PCDHA6: variants seen among roughly 807,000 people sequenced by gnomAD.
The protein encoded by PCDHA6 is protocadherin alpha-6.
In PCDHA6, 55 loss-of-function variants were observed where a neutral mutation model predicts 60.3. The observed-to-expected ratio is 0.91, with a 90% CI of 0.73 to 1.14. PCDHA6 has a LOEUF of 1.14. Ranked by LOEUF, PCDHA6 falls within the 50% of genes most tolerant of loss-of-function variation. The pLI, the probability that PCDHA6 is intolerant of heterozygous loss-of-function variation, is 0.00. For missense variants in PCDHA6, 1,327 were observed against 1,256.5 expected, an observed-to-expected ratio of 1.06 and a Z score of -0.85; for synonymous variants, 652 against 557.9, an observed-to-expected ratio of 1.17 and a Z score of -2.38.
intron 2 of PCDHA6, among the ~76,000 whole-genome samples, chr5:140,979,979 T>C (rs1007546118): frequency 6.6e-6 from 1 of 152,194 alleles, no homozygotes; most frequent in African/African-American, 2.4e-5. Flanking sequence ...ATGCATTAGA[T>C]TGAAATAAAT....
At chr5:140,925,114 G>T (rs1341892158) in intron 1 of PCDHA6, among the ~76,000 whole-genome samples, 2 of 151,122 alleles carry the variant, frequency 1.3e-5, no homozygotes, top group East Asian at 3.9e-4. Context: ...AGGAGGGAAG[G>T]AAGGAAGGAA....
At chr5:140,924,811 C>A (rs1209918868) in intron 1 of PCDHA6, among the ~76,000 whole-genome samples, 6 of 151,654 alleles carry the variant, frequency 4.0e-5, no homozygotes, top group Admixed American at 3.3e-4. Context: ...AAGAGAATCG[C>A]TTGAACCTGG....
intron 1 of PCDHA6, among the ~76,000 whole-genome samples, chr5:140,937,317 G>A (rs1282380622): frequency 1.3e-5 from 2 of 152,048 alleles, no homozygotes; most frequent in Non-Finnish European, 2.9e-5. Context: ...GATTACAGGC[G>A]TGAGCCACCG....
intron 1 of PCDHA6, among the ~76,000 whole-genome samples, chr5:140,960,972 T>C (rs936519951): frequency 6.6e-6 from 1 of 152,188 alleles, no homozygotes; most frequent in South Asian, 2.1e-4. Flanking sequence ...GCAGTTGCAA[T>C]TCTTGTTCCA....
chr5:140,971,928 T>C (rs1318885872), intron 1 of PCDHA6, among the ~76,000 whole-genome samples: 1 of 152,186 alleles, frequency 6.6e-6, no homozygotes, highest in Non-Finnish European at 1.5e-5. Flanking sequence ...GCTAGTGTTA[T>C]TTTAAGTTGT....
At position 140,856,167 on chromosome 5, in the gene PCDHA6, A is replaced by T. The variant is rs141221498; in HGVS notation, c.2394+25682A>T. ...TACTCAGTCTACGAGGAGGCCAGAC[A>T]CGGCACCTTCGTGGGCCGCATCGCG... is the stretch of plus-strand genomic sequence containing the variant. On this transcript the variant is annotated intron_variant, in intron 1 of 3. Coordinates refer to ENST00000529310, the MANE Select transcript of PCDHA6 (RefSeq NM_018909.4). 4.0e-5 allele frequency: 64 copies of T among 1,598,222 alleles called. 4 individuals carry two copies. The African/African-American group carries it at 8.5e-4, about 21-fold the overall frequency.
In PCDHA6 at chr5:140,833,167, C is replaced by T. The variant is rs2150206724; in HGVS notation, c.2394+2682C>T. 5.9e-5 allele frequency among the ~76,000 whole-genome samples: 9 copies of T among 152,184 alleles called. 1 individual carries two copies. The East Asian group carries it at 9.6e-4, about 16-fold the overall frequency. Reference sequence around the variant, plus strand: ...AAGCAATACGAATAAAAAGTATTAACGGAAGATGACTGCAAGGATTAAATG... The same window carrying T: ...AAGCAATACGAATAAAAAGTATTAATGGAAGATGACTGCAAGGATTAAATG... On this transcript the variant is annotated intron_variant, in intron 1 of 3. Transcript: ENST00000529310.
intron 1 of PCDHA6, chr5:140,867,134 T>C (rs1162274165): frequency 6.6e-6 from 1 of 152,178 alleles, no homozygotes; most frequent in Non-Finnish European, 1.5e-5. Context: ...AAATATGTGA[T>C]ATTATCATTT....
chr5:140,920,804 A>G (rs2079833395), intron 1 of PCDHA6, among the ~76,000 whole-genome samples: 1 of 151,364 alleles, frequency 6.6e-6, no homozygotes, highest in South Asian at 2.1e-4. Context: ...AGATCACGCC[A>G]CTGCACTCCA....
chr5:141,009,544 C>A (rs1236431515), intron 3 of PCDHA6, 83 bp from the exon 4 acceptor site: 1 of 1,534,390 alleles, frequency 6.5e-7, no homozygotes. Context: ...CCTGCCTATG[C>A]AGTACTCCTG....
At chr5:140,978,486 G>T (rs1289847782) in intron 1 of PCDHA6, among the ~76,000 whole-genome samples, 1 of 152,248 alleles carries the variant, frequency 6.6e-6, no homozygotes, top group Admixed American at 6.5e-5. Flanking sequence ...AGTCTGCAAA[G>T]CCAGCAGCAG....
chr5:140,883,771 G>A (rs782418376), intron 1 of PCDHA6: 11 of 1,612,346 alleles, frequency 6.8e-6, no homozygotes, highest in African/African-American at 1.3e-5. Context: ...GGGTGGGCGA[G>A]CGTGCGCTGT....
chr5:140,863,384 C>A (rs563178599), intron 1 of PCDHA6: 2 of 1,044,912 alleles, frequency 1.9e-6, no homozygotes, highest in South Asian at 1.2e-5. Flanking sequence ...ACCGAGAGCT[C>A]GTGCATGCCG....
chr5:140,853,607 T>C, intron 1 of PCDHA6: 1 of 987,062 alleles, frequency 1.0e-6, no homozygotes, highest in Non-Finnish European at 1.2e-6. Context: ...GCAAAGGGGG[T>C]GCTGTAAATA....
chr5:140,923,719 G>A (rs906860011), intron 1 of PCDHA6, among the ~76,000 whole-genome samples: 5 of 152,182 alleles, frequency 3.3e-5, no homozygotes, highest in African/African-American at 1.2e-4. Context: ...GAATAAGAAT[G>A]CAATGTTATG....
At position 140,848,824 on chromosome 5, in the gene PCDHA6, T is replaced by C. The variant is rs2150421709; in HGVS notation, c.2394+18339T>C. On this transcript the variant is annotated intron_variant, in intron 1 of 3. Coordinates refer to ENST00000529310, the MANE Select transcript of PCDHA6 (RefSeq NM_018909.4). ...TGCAGCATCCACCTGGAGGTGATCG[T>C]AGACAGGCCGCTGCAGGTTTTCCAT... 7.5e-6 allele frequency: 12 copies of C among 1,590,566 alleles called. 1 individual carries two copies. In the Middle Eastern group the frequency reaches 1.4e-3, roughly 180 times the overall value.
chr5:140,873,534 T>C (rs1274405604), intron 1 of PCDHA6, among the ~76,000 whole-genome samples: 1 of 152,184 alleles, frequency 6.6e-6, no homozygotes, highest in Non-Finnish European at 1.5e-5. Context: ...CATTCTATGG[T>C]ATAAAATTAT....
rs1176044523 is a variant in PCDHA6, at chr5:140,828,870, C to G, written c.779C>G (p.Thr260Arg). 6.2e-7 allele frequency: 1 copy of G among 1,614,086 alleles called. No individual in the cohort carries two copies. Among genetic ancestry groups the G allele is most frequent in the Non-Finnish European group, 8.5e-7 (1 of 1,180,042 alleles). ...RIFENADNGT[T>R]VIRLNASDRD... Reference sequence around the variant, plus strand: ...TTCGAAAATGCAGACAACGGAACAACAGTTATCAGACTGAATGCTTCTGAT... The same window carrying G: ...TTCGAAAATGCAGACAACGGAACAAGAGTTATCAGACTGAATGCTTCTGAT... Residue 260 changes from threonine (T) to arginine (R), a missense_variant, in exon 1 of 4, where the codon ACA (threonine) becomes AGA (arginine). By Grantham distance (71) the Thr-to-Arg change is moderately conservative (BLOSUM62 -1). Transcript: ENST00000529310.
chr5:140,841,273 T>C, intron 1 of PCDHA6: 1 of 1,504,492 alleles, frequency 6.6e-7, no homozygotes, highest in Non-Finnish European at 8.9e-7. Flanking sequence ...GTACAGTCGT[T>C]CATCTTTATA....
Sources: gnomAD v4.1 joint callset for allele counts (sites outside exome capture counted in the v4.1 genomes callset) on GRCh38, gnomAD v4.1.1 for gene constraint, MANE v1.5 for transcripts, NCBI Gene and HGNC (gene_info 2026-07-23, HGNC 2026-07-21) for gene names.